Variants in KIF21A observed in about 807,000 individuals in gnomAD.
KIF21A encodes the protein kinesin family member 21A, also known as kinesin-like protein KIF21A.
A neutral mutation model predicts 202.9 loss-of-function variants in KIF21A; 114 were observed. That is an observed-to-expected ratio of 0.56 (90% CI 0.48 to 0.66). The LOEUF (loss-of-function observed/expected upper bound fraction) is 0.66. Among genes scored for constraint, KIF21A ranks in the 30% least tolerant of loss-of-function variants. The pLI is 0.00. For missense variants in KIF21A, 1,677 were observed against 1,994.9 expected (o/e 0.84, Z 3.04); for synonymous variants, 667 against 670.8 (o/e 0.99, Z 0.09).
Position 39,311,410 on chromosome 12 carries a change from C to G in KIF21A, c.4096+7G>C. 6.2e-7 allele frequency: 1 copy of G among 1,611,748 alleles called. No homozygotes were observed. Among genetic ancestry groups the G allele is most frequent in the South Asian group, 1.1e-5 (1 of 91,016 alleles). On this transcript the variant is annotated splice_region_variant and intron_variant, in intron 32 of 37. Coordinates refer to ENST00000361418, the MANE Select transcript of KIF21A (RefSeq NM_001173464.2). ...ATTAAATATCTGCATTAGATAACTA[C>G]TAGCACCTTTTGATCCAGTGAAGAG... is the stretch of plus-strand genomic sequence containing the variant.
At chr12:39,315,732 CA>C (rs77465314) in intron 30 of KIF21A, 199 bp downstream of exon 30, 60,911 of 629,040 alleles carry the variant, frequency 0.097, 4,573 homozygotes, top group South Asian at 0.28. Context: ...AACTATTATA[CA>C]AAAAAAACCA....
Position 39,319,777 on chromosome 12 carries a change from T to C in KIF21A, c.3779+129A>G, listed in dbSNP as rs190947283. On this transcript the variant is annotated intron_variant, in intron 28 of 37. Coordinates refer to ENST00000361418, the MANE Select transcript of KIF21A (RefSeq NM_001173464.2). ...CAAGCCAAAAGCTGACTTGACTGTC[T>C]TGATTAGTCAAATAGTCATAACCAC... 56 of 679,916 alleles carry C rather than the reference T, an allele frequency of 8.2e-5. No individual in the cohort carries two copies. The African/African-American group carries it at 9.2e-4, about 11-fold the overall frequency. 42.1% of individuals were successfully genotyped at this position (679,916 alleles called of 1,614,324 possible). A position where few individuals can be genotyped will look rare whatever the true frequency, so the allele number is the denominator to read the frequency against.
At position 39,442,742 on chromosome 12, in the gene KIF21A, C is replaced by T. The variant is rs1370432931; in HGVS notation, c.44+185G>A. On this transcript the variant is annotated intron_variant, in intron 1 of 37. Transcript: ENST00000361418. The surrounding 1 kb of genome is among the most constrained non-coding windows in gnomAD (Gnocchi z 5.0). ...GCGTGAGGGCGGCGCAGTCGCCCTG[C>T]CAGCACCCGGCCGCGCGTGCCAGGC... Among the ~76,000 whole-genome samples the T allele has an allele frequency of 6.6e-6, 1 of 152,136 alleles. No homozygotes were observed. Among genetic ancestry groups the T allele is most frequent in the Admixed American group, 6.6e-5 (1 of 15,266 alleles).
intron 11 of KIF21A, among the ~76,000 whole-genome samples, chr12:39,350,860 C>T (rs1399664519): frequency 6.6e-6 from 1 of 152,008 alleles, no homozygotes; most frequent in African/African-American, 2.4e-5. Context: ...TACCTAAATA[C>T]ATTTTTAAAT....
chr12:39,311,458 C>G lies in KIF21A; in HGVS notation c.4055G>C (p.Cys1352Ser), dbSNP rs1036294156. The G allele has an allele frequency of 3.1e-6, 5 of 1,613,154 alleles. No individual in the cohort carries two copies. Among genetic ancestry groups the G allele is most frequent in the East Asian group, 2.2e-5 (1 of 44,806 alleles). Reference sequence around the variant, plus strand: ...GAGGAGATCATCAGTAGAATCCACACAGAGCACAGCTTTTGTATGCCCTTC... The same window carrying G: ...GAGGAGATCATCAGTAGAATCCACAGAGAGCACAGCTTTTGTATGCCCTTC... ...IAEGHTKAVL[C>S]VDSTDDLLFT... is the part of the protein sequence containing the mutation. Residue 1352 changes from cysteine to serine, a missense_variant, in exon 32 of 38, where the codon TGT (cysteine) becomes TCT (serine). Cys to Ser is a moderately radical substitution (Grantham distance 112, BLOSUM62 -1). Coordinates refer to ENST00000361418, the MANE Select transcript of KIF21A (RefSeq NM_001173464.2).
Position 39,416,691 on chromosome 12 carries a change from A to G in KIF21A, c.44+26236T>C, listed in dbSNP as rs554998153. ...TATATGTACATATATATGTGTGTATATATATATGTACATATATATGTGTGT... is the reference window on the plus strand; with the variant it reads ...TATATGTACATATATATGTGTGTATGTATATATGTACATATATATGTGTGT... On this transcript the variant is annotated intron_variant, in intron 1 of 37. Transcript: ENST00000361418. Among the ~76,000 whole-genome samples, 201 of 125,952 alleles carry G rather than the reference A, an allele frequency of 1.6e-3. 9 individuals carry two copies. Among genetic ancestry groups the G allele is most frequent in the Non-Finnish European group, 2.4e-3 (150 of 62,668 alleles). 82.6% of individuals were successfully genotyped at this position (125,952 alleles called of 152,430 possible).
At chr12:39,310,193 T>G (rs150596340) in intron 32 of KIF21A, among the ~76,000 whole-genome samples, 153 of 152,216 alleles carry the variant, frequency 1.0e-3, no homozygotes, top group South Asian at 3.3e-3. Flanking sequence ...GGTCAATGAT[T>G]GATAAATTAT....
intron 1 of KIF21A, among the ~76,000 whole-genome samples, chr12:39,377,711 C>T (rs76098980): frequency 0.064 from 9,768 of 152,186 alleles, 1,050 homozygotes; most frequent in African/African-American, 0.22. Context: ...GAAAGAAACA[C>T]ACCTCAGTAA....
intron 32 of KIF21A, 130 bp downstream of exon 32, chr12:39,311,287 C>T (rs769069701): frequency 3.8e-6 from 3 of 791,570 alleles, no homozygotes; most frequent in Non-Finnish European, 6.0e-6. Context: ...ATTTTACATT[C>T]AGGGGTTGAA....
At chr12:39,416,713 G>GTATATA (rs780759998) in intron 1 of KIF21A, among the ~76,000 whole-genome samples, 2 of 73,586 alleles carry the variant, frequency 2.7e-5, no homozygotes, top group Admixed American at 1.6e-4. Context: ...ATATATATGT[G>GTATATA]TGTATATATG....
At chr12:39,428,223 C>T (rs913212456) in intron 1 of KIF21A, among the ~76,000 whole-genome samples, 3 of 152,208 alleles carry the variant, frequency 2.0e-5, no homozygotes, top group African/African-American at 7.2e-5. Context: ...ATTCTAGGTC[C>T]ATCTGACAGT....
intron 10 of KIF21A, among the ~76,000 whole-genome samples, chr12:39,355,337 T>C (rs1036455373): frequency 2.6e-5 from 4 of 151,984 alleles, no homozygotes; most frequent in African/African-American, 9.7e-5. Context: ...TGCCTAATAG[T>C]GACATAAAGC....
intron 11 of KIF21A, among the ~76,000 whole-genome samples, chr12:39,351,010 T>C (rs1019790310): frequency 6.6e-6 from 1 of 152,104 alleles, no homozygotes; most frequent in Non-Finnish European, 1.5e-5. Flanking sequence ...TTAATTTGAC[T>C]GGCATGCTCA....
Position 39,363,098 on chromosome 12 carries a change from C to T in KIF21A, c.1019G>A (p.Ser340Asn). ...GTAGAGGATAATCATCTATGCATACCTATTACCCCCGAGGGAATCCTGTAG... is the reference window on the plus strand; with the variant it reads ...GTAGAGGATAATCATCTATGCATACTTATTACCCCCGAGGGAATCCTGTAG... The part of the protein sequence containing the change: ...RLLQDSLGGN[S>N]QTIMIACVSP... The change falls in exon 7 of 38, where the codon AGC becomes AAC. Residue 340 changes from serine (S) to asparagine (N), a missense_variant and splice_region_variant. By Grantham distance (46) the Ser-to-Asn change is conservative (BLOSUM62 1). Coordinates refer to ENST00000361418, the MANE Select transcript of KIF21A (RefSeq NM_001173464.2). The T allele has an allele frequency of 6.5e-7, 1 of 1,546,194 alleles. No homozygotes were observed.
intron 1 of KIF21A, among the ~76,000 whole-genome samples, chr12:39,402,911 T>G (rs187298683): frequency 1.3e-5 from 2 of 152,290 alleles, no homozygotes; most frequent in East Asian, 3.9e-4. Flanking sequence ...AACTAAAAAC[T>G]GTAAAATATG....
At chr12:39,337,428 C>A (rs2096315215) in intron 16 of KIF21A, 1 of 497,454 alleles carries the variant, frequency 2.0e-6, no homozygotes, top group Non-Finnish European at 3.6e-6. Flanking sequence ...TTTTTGTATT[C>A]AATATTCAGT....
At chr12:39,361,959 G>C (rs1025986464) in intron 7 of KIF21A, among the ~76,000 whole-genome samples, 2 of 152,092 alleles carry the variant, frequency 1.3e-5, no homozygotes, top group Admixed American at 6.6e-5. Context: ...TTGGAGGTGG[G>C]GCCTTGGTGG....
intron 1 of KIF21A, among the ~76,000 whole-genome samples, chr12:39,436,448 A>ATATATATATATATATATATATTTT (rs1387332677): frequency 9.9e-4 from 95 of 95,670 alleles, no homozygotes; most frequent in Non-Finnish European, 1.3e-3. Context: ...ATATATATAT[A>ATATATATATATATATATATATTTT]TTTTTTTTTT....
chr12:39,407,310 C>T (rs1592593475), intron 1 of KIF21A, among the ~76,000 whole-genome samples: 1 of 152,124 alleles, frequency 6.6e-6, no homozygotes. Flanking sequence ...TATCCTTGAA[C>T]TTCATGTCCC....
Sources: allele counts gnomAD v4.1 joint callset (sites outside exome capture counted in the v4.1 genomes callset), GRCh38; gene constraint gnomAD v4.1.1; non-coding constraint Gnocchi (gnomAD v3.1); transcripts MANE v1.5; gene names NCBI Gene and HGNC (gene_info 2026-07-23, HGNC 2026-07-21).